Variants in KCNIP4 observed in about 807,000 individuals in gnomAD.
The protein encoded by KCNIP4 is Kv channel-interacting protein 4.
In KCNIP4, 12 loss-of-function variants were observed where a neutral mutation model predicts 34.0. The ratio of observed to expected loss-of-function variants is 0.35; its 90% CI spans 0.23 to 0.57. The LOEUF (loss-of-function observed/expected upper bound fraction) is 0.57. KCNIP4 is among the 20% of genes least tolerant of loss of function. KCNIP4 has a pLI of 0.83. For synonymous variants in KCNIP4, 124 were observed against 102.2 expected, an observed-to-expected ratio of 1.21 and a Z score of -1.29; for missense variants, 238 against 311.7, an observed-to-expected ratio of 0.76 and a Z score of 1.78.
At chr4:21,259,455 A>G (rs1044889583) in intron 1 of KCNIP4, among the ~76,000 whole-genome samples, 1 of 152,128 alleles carries the variant, frequency 6.6e-6, no homozygotes, top group Non-Finnish European at 1.5e-5. Flanking sequence ...CAGCTCTTTC[A>G]TTATGGTGGT....
chr4:21,124,094 G>T lies in KCNIP4; in HGVS notation c.62-241385C>A, dbSNP rs140997576. On this transcript the variant is annotated intron_variant, in intron 1 of 8. Coordinates refer to ENST00000382152, the MANE Select transcript of KCNIP4 (RefSeq NM_025221.6). The stretch of plus-strand genomic sequence containing the variant: ...ATATTTTCTTTAAAAATCATGAGAA[G>T]GACACTGTTTTACATTTTTAAAAAT... Among the ~76,000 whole-genome samples, 1,024 of 150,952 alleles carry T rather than the reference G, an allele frequency of 6.8e-3. 42 individuals carry two copies. Among genetic ancestry groups the T allele is most frequent in the Admixed American group, 0.062 (938 of 15,160 alleles).
chr4:20,944,627 G>T (rs992997328), intron 1 of KCNIP4, among the ~76,000 whole-genome samples: 1 of 152,212 alleles, frequency 6.6e-6, no homozygotes, highest in African/African-American at 2.4e-5. Flanking sequence ...CAGAGACAAA[G>T]AAGGTTTGCG....
At chr4:21,853,449 T>C (rs149415417) in intron 1 of KCNIP4, among the ~76,000 whole-genome samples, 1 of 152,324 alleles carries the variant, frequency 6.6e-6, no homozygotes, top group Non-Finnish European at 1.5e-5. Context: ...TTCTTCCTAC[T>C]TATTAGAGAA....
At chr4:21,756,247 G>A (rs1203477027) in intron 1 of KCNIP4, among the ~76,000 whole-genome samples, 6 of 152,112 alleles carry the variant, frequency 3.9e-5, no homozygotes, top group Non-Finnish European at 1.5e-5. Context: ...TTTTAAAATA[G>A]TTGAAGTATT....
At chr4:20,969,865 A>C (rs1734750220) in intron 1 of KCNIP4, among the ~76,000 whole-genome samples, 2 of 152,072 alleles carry the variant, frequency 1.3e-5, no homozygotes, top group Non-Finnish European at 2.9e-5. Context: ...ATTTTATAGT[A>C]ATACAATATT....
intron 1 of KCNIP4, among the ~76,000 whole-genome samples, chr4:21,599,807 A>C (rs1420308833): frequency 6.6e-6 from 1 of 152,080 alleles, no homozygotes; most frequent in African/African-American, 2.4e-5. Flanking sequence ...TGGATGCCAG[A>C]AGAATTGAGT....
chr4:21,258,799 A>T (rs1761254775), intron 1 of KCNIP4, among the ~76,000 whole-genome samples: 1 of 152,186 alleles, frequency 6.6e-6, no homozygotes, highest in Non-Finnish European at 1.5e-5. Flanking sequence ...TATCGTACCC[A>T]TGATAATAAT....
chr4:21,920,706 T>C (rs1728892208), intron 1 of KCNIP4, among the ~76,000 whole-genome samples: 1 of 152,192 alleles, frequency 6.6e-6, no homozygotes, highest in Admixed American at 6.5e-5. Context: ...ATCAGGGACT[T>C]GAGCATCCAT....
intron 1 of KCNIP4, among the ~76,000 whole-genome samples, chr4:20,894,041 C>T (rs534848886): frequency 1.8e-4 from 27 of 152,004 alleles, no homozygotes; most frequent in Admixed American, 1.3e-3. Context: ...CCACCACACC[C>T]GACTAATTTT....
rs549796472 is a variant in KCNIP4, at chr4:21,183,102, C to G, written c.62-300393G>C. On this transcript the variant is annotated intron_variant, in intron 1 of 8. Transcript: ENST00000382152. ...GATTTCACATATATGTGATCTCTTG[C>G]AGCACACGTCTTTGTGTGCCTGGCT... 2.0e-5 allele frequency among the ~76,000 whole-genome samples: 3 copies of G among 152,214 alleles called. No individual in the cohort carries two copies. The East Asian group carries it at 5.8e-4, about 29-fold the overall frequency.
intron 1 of KCNIP4, among the ~76,000 whole-genome samples, chr4:20,913,487 T>A (rs1728527042): frequency 6.6e-6 from 1 of 152,204 alleles, no homozygotes; most frequent in Non-Finnish European, 1.5e-5. Context: ...CTTGTGAATA[T>A]ACTAAAAACC....
At chr4:21,029,942 C>T (rs921818196) in intron 1 of KCNIP4, among the ~76,000 whole-genome samples, 1 of 152,126 alleles carries the variant, frequency 6.6e-6, no homozygotes, top group Non-Finnish European at 1.5e-5. Context: ...TCTTCTATGT[C>T]CAAAACACTC....
chr4:21,773,529 C>T (rs1405411166), intron 1 of KCNIP4, among the ~76,000 whole-genome samples: 2 of 152,066 alleles, frequency 1.3e-5, no homozygotes, highest in Admixed American at 6.5e-5. Context: ...TAAAGTCTCC[C>T]ACTATTATTG....
intron 1 of KCNIP4, among the ~76,000 whole-genome samples, chr4:21,102,140 T>A (rs1360834011): frequency 6.6e-6 from 1 of 152,194 alleles, no homozygotes; most frequent in African/African-American, 2.4e-5. Context: ...GATGTAGGTT[T>A]TTTAGTGATT....
In KCNIP4 at chr4:21,914,992, C is replaced by A. The variant is rs183256354; in HGVS notation, c.61+33579G>T. Among the ~76,000 whole-genome samples the A allele has an allele frequency of 2.6e-5, 4 of 151,214 alleles. No individual in the cohort carries two copies. In the East Asian group the frequency reaches 7.8e-4, roughly 29 times the overall value. ...CACACAAATTAAAAACAGAAAGGTA[C>A]GCATTTGAAAAAAAAATCAAAAGAA... is the stretch of plus-strand genomic sequence containing the variant. On this transcript the variant is annotated intron_variant, in intron 1 of 8. Transcript: ENST00000382152.
intron 1 of KCNIP4, among the ~76,000 whole-genome samples, chr4:21,689,714 G>A (rs1003067091): frequency 2.0e-5 from 3 of 152,126 alleles, no homozygotes; most frequent in Admixed American, 6.6e-5. Context: ...GTCAAATGAC[G>A]AAATGCTTTT....
chr4:21,646,591 A>G (rs886841375), intron 1 of KCNIP4, among the ~76,000 whole-genome samples: 1 of 152,188 alleles, frequency 6.6e-6, no homozygotes, highest in Admixed American at 6.5e-5. Flanking sequence ...TACTTTAAAA[A>G]TGTCCTGGTA....
chr4:21,151,249 C>T (rs1255741918), intron 1 of KCNIP4, among the ~76,000 whole-genome samples: 1 of 152,038 alleles, frequency 6.6e-6, no homozygotes, highest in East Asian at 1.9e-4. Context: ...TCCTAAGTAA[C>T]TCTACCTGTA....
chr4:21,694,941 T>TA (rs1712136011), intron 1 of KCNIP4, among the ~76,000 whole-genome samples: 2 of 55,790 alleles, frequency 3.6e-5, no homozygotes, highest in African/African-American at 7.6e-5. Flanking sequence ...TAAAAATAAA[T>TA]AAATAAATAA....
Sources: gnomAD v4.1 joint callset for allele counts (sites outside exome capture counted in the v4.1 genomes callset) on GRCh38, gnomAD v4.1.1 for gene constraint, MANE v1.5 for transcripts, NCBI Gene and HGNC (gene_info 2026-07-23, HGNC 2026-07-21) for gene names.